Variants in RB1CC1 observed in about 807,000 individuals in gnomAD.
RB1CC1 encodes the protein RB1 inducible coiled-coil 1.
In RB1CC1, 46 loss-of-function variants were observed where a neutral mutation model predicts 177.5. The observed-to-expected ratio is 0.26, with a 90% CI of 0.20 to 0.33. The LOEUF (loss-of-function observed/expected upper bound fraction) is 0.33. Ranked by LOEUF, RB1CC1 falls within the 10% of genes least tolerant of loss-of-function variation. The pLI, the probability that RB1CC1 is intolerant of heterozygous loss-of-function variation, is 1.00. For synonymous variants in RB1CC1, 666 were observed against 613.6 expected (o/e 1.09, Z -1.26); for missense variants, 1,703 against 1,816.3 (o/e 0.94, Z 1.13).
chr8:52,711,086 C>T (rs1034295394), intron 1 of RB1CC1, among the ~76,000 whole-genome samples: 2 of 151,870 alleles, frequency 1.3e-5, no homozygotes, highest in Non-Finnish European at 2.9e-5. Context: ...AAAGAGCAAA[C>T]TAACGGGTAG....
Position 52,714,255 on chromosome 8 carries a change from G to C in RB1CC1, c.-347C>G, listed in dbSNP as rs1215842906. 9.5e-6 allele frequency: 2 copies of C among 211,074 alleles called. No homozygotes were observed. Among genetic ancestry groups the C allele is most frequent in the Non-Finnish European group, 2.0e-5 (2 of 99,902 alleles). The allele number at this position is 211,074 out of a possible 1,614,324, so 13.1% of individuals were successfully genotyped here. On this transcript the variant is annotated 5_prime_UTR_variant, in exon 1 of 24. Coordinates refer to ENST00000025008, the MANE Select transcript of RB1CC1 (RefSeq NM_014781.5). ...GCGGCCCCGAACTCTAGGAGGCAGG[G>C]AGGGGTCCGGGCGGACAAGGACGCG...
At position 52,657,980 on chromosome 8, in the gene RB1CC1, T is replaced by G; in HGVS notation, c.1920+18A>C. The stretch of plus-strand genomic sequence containing the variant: ...TTTTACACTAATGAAGAAAACTGTT[T>G]GAAAGAATTGAATTTGCCTTTTGTT... On this transcript the variant is annotated intron_variant, in intron 14 of 23. Transcript: ENST00000025008. The G allele has an allele frequency of 1.2e-6, 2 of 1,613,534 alleles. No individual in the cohort carries two copies. The highest frequency in any genetic ancestry group is 1.7e-6 in the Non-Finnish European group (2 of 1,179,846).
chr8:52,684,726 G>T (rs1279323682), intron 3 of RB1CC1, among the ~76,000 whole-genome samples: 1 of 152,116 alleles, frequency 6.6e-6, no homozygotes, highest in Non-Finnish European at 1.5e-5. Flanking sequence ...CCATGGAAGT[G>T]ATATACATTG....
chr8:52,704,079 A>T (rs1021684755), intron 1 of RB1CC1, among the ~76,000 whole-genome samples: 2 of 152,162 alleles, frequency 1.3e-5, no homozygotes, highest in Non-Finnish European at 2.9e-5. Context: ...AACCAAGTAC[A>T]TATTTGGTCA....
In RB1CC1 at chr8:52,623,552, T is replaced by TA. The variant is rs199511696; in HGVS notation, c.*229dup. Reference sequence around the variant, plus strand: ...GTCCGCATTTCTAGAGTTGTCTGGGTAAAAAAAAAAACCAAAAAACAAAAA... The same window carrying TA: ...GTCCGCATTTCTAGAGTTGTCTGGGTAAAAAAAAAAAACCAAAAAACAAAAA... On this transcript the variant is annotated 3_prime_UTR_variant, in exon 24 of 24. Coordinates refer to ENST00000025008, the MANE Select transcript of RB1CC1 (RefSeq NM_014781.5). The TA allele has an allele frequency of 0.071, 24,866 of 348,228 alleles. 4 individuals carry two copies. The highest frequency in any genetic ancestry group is 0.11 in the East Asian group (1,892 of 17,572). 21.6% of individuals were successfully genotyped at this position (348,228 alleles called of 1,614,324 possible). A position where few individuals can be genotyped will look rare whatever the true frequency, so the allele number is the denominator to read the frequency against.
At chr8:52,633,272 T>A (rs1242727619) in intron 20 of RB1CC1, among the ~76,000 whole-genome samples, 1 of 152,200 alleles carries the variant, frequency 6.6e-6, no homozygotes. Context: ...CTCAGATACT[T>A]TTGGGTTCAC....
At chr8:52,676,864 C>T (rs935234439) in intron 5 of RB1CC1, among the ~76,000 whole-genome samples, 6 of 152,330 alleles carry the variant, frequency 3.9e-5, no homozygotes, top group East Asian at 1.9e-4. Flanking sequence ...TGATCAACAT[C>T]TGCCATCTCA....
intron 1 of RB1CC1, among the ~76,000 whole-genome samples, chr8:52,703,046 G>A (rs1040434543): frequency 1.3e-5 from 2 of 151,794 alleles, no homozygotes; most frequent in South Asian, 2.1e-4. Flanking sequence ...TAGTAACAGA[G>A]AGAGATCACA....
chr8:52,656,552 G>A lies in RB1CC1; in HGVS notation c.3277C>T (p.Leu1093Phe), dbSNP rs1563386492. Residue 1093 changes from leucine (L) to phenylalanine (F), a missense_variant, in exon 15 of 24, where the codon CTT becomes TTT. Transcript: ENST00000025008. ...CTCAAATTTTCTGTCTCTTGTTCAA[G>A]AAGAGATTTCAAGGTCTCCTTCTGC... ...AQQKETLKSL[L>F]EQETENLRTE... is the part of the protein sequence containing the mutation. 5 of 1,611,042 alleles carry A rather than the reference G, an allele frequency of 3.1e-6. No homozygotes were observed. Among genetic ancestry groups the A allele is most frequent in the Non-Finnish European group, 4.2e-6 (5 of 1,179,172 alleles).
At chr8:52,640,665 G>A (rs890522136) in intron 18 of RB1CC1, among the ~76,000 whole-genome samples, 20 of 151,838 alleles carry the variant, frequency 1.3e-4, no homozygotes, top group African/African-American at 4.8e-4. Flanking sequence ...TTTTAAAGAG[G>A]TTTTCATACG....
chr8:52,628,171 G>A lies in RB1CC1; in HGVS notation c.4500-3C>T, dbSNP rs1563344891. The A allele has an allele frequency of 1.2e-6, 2 of 1,605,586 alleles. No individual in the cohort carries two copies. Among genetic ancestry groups the A allele is most frequent in the Non-Finnish European group, 1.7e-6 (2 of 1,175,580 alleles). ...GTACCAAATCTCCCACCTGAAAACT[G>A]AATAAAGAAATGCAATTTTATTGAC... On this transcript the variant is annotated splice_polypyrimidine_tract_variant and splice_region_variant and intron_variant, in intron 21 of 23. Transcript: ENST00000025008.
chr8:52,706,735 CAAAA>C (rs570528978), intron 1 of RB1CC1, among the ~76,000 whole-genome samples: 3 of 106,278 alleles, frequency 2.8e-5, no homozygotes, highest in Admixed American at 9.9e-5. Flanking sequence ...CCCTCTGTTT[CAAAA>C]AAAAAAAAAA....
At chr8:52,641,382 C>T (rs1282228980) in intron 18 of RB1CC1, among the ~76,000 whole-genome samples, 1 of 54,386 alleles carries the variant, frequency 1.8e-5, no homozygotes, top group Non-Finnish European at 3.1e-5. Flanking sequence ...GAGACTTCAT[C>T]TCAAAAAAAA....
chr8:52,665,378 G>T (rs1450906953), intron 8 of RB1CC1, among the ~76,000 whole-genome samples: 1 of 152,068 alleles, frequency 6.6e-6, no homozygotes, highest in Non-Finnish European at 1.5e-5. Context: ...TTGCTTCTAT[G>T]GCAGGCATTA....
Position 52,623,675 on chromosome 8 carries a change from G to A in RB1CC1, c.*107C>T, listed in dbSNP as rs764753430. On this transcript the variant is annotated 3_prime_UTR_variant, in exon 24 of 24. Coordinates refer to ENST00000025008, the MANE Select transcript of RB1CC1 (RefSeq NM_014781.5). ...GTACACCAGTGAAGTATATTGTCAC[G>A]CTGACTTTTGCATAAAAAGATGGCC... is the stretch of plus-strand genomic sequence containing the variant. 1.2e-5 allele frequency: 9 copies of A among 769,748 alleles called. No homozygotes were observed. Among genetic ancestry groups the A allele is most frequent in the Middle Eastern group, 4.6e-4 (2 of 4,392 alleles). 47.7% of individuals were successfully genotyped at this position (769,748 alleles called of 1,614,324 possible).
intron 18 of RB1CC1, among the ~76,000 whole-genome samples, chr8:52,638,973 T>C (rs1193412376): frequency 1.3e-5 from 2 of 152,174 alleles, no homozygotes; most frequent in Non-Finnish European, 2.9e-5. Flanking sequence ...ACTATCTATG[T>C]AGTTTAAGAC....
At chr8:52,685,002 CTTTTT>C (rs34656821) in intron 3 of RB1CC1, among the ~76,000 whole-genome samples, 3 of 130,274 alleles carry the variant, frequency 2.3e-5, no homozygotes, top group African/African-American at 2.8e-5. Flanking sequence ...ATTATGTGAC[CTTTTT>C]TTTTTTTTTT....
At chr8:52,652,970 T>C (rs1213618036) in intron 15 of RB1CC1, among the ~76,000 whole-genome samples, 2 of 152,006 alleles carry the variant, frequency 1.3e-5, no homozygotes, top group African/African-American at 4.8e-5. Flanking sequence ...GGCAGGAGAA[T>C]TGCTTGAACT....
chr8:52,657,128 A>G lies in RB1CC1; in HGVS notation c.2701T>C (p.Cys901Arg). 2 of 1,611,410 alleles carry G rather than the reference A, an allele frequency of 1.2e-6. No homozygotes were observed. The highest frequency in any genetic ancestry group is 1.7e-6 in the Non-Finnish European group (2 of 1,178,514). Residue 901 changes from cysteine (C) to arginine (R), a missense_variant, in exon 15 of 24, where the codon TGC becomes CGC. Physicochemically the swap from Cys to Arg is radical, Grantham distance 180. Around this residue, in one of 6 missense-constraint regions of RB1CC1, gnomAD observed 1,169 missense variants for 1,184.7 expected, o/e 0.99. Coordinates refer to ENST00000025008, the MANE Select transcript of RB1CC1 (RefSeq NM_014781.5). ...KIKKLKGELV[C>R]LEEVLQNKDN... ...TTATTTTGTAAAACCTCCTCAAGGC[A>G]TACTAACTCTCCCTTCAATTTTTTA...
Sources: gnomAD v4.1 joint callset for allele counts (sites outside exome capture counted in the v4.1 genomes callset) on GRCh38, gnomAD v4.1.1 for gene constraint, gnomAD v4.1.1 regional missense constraint, MANE v1.5 for transcripts, NCBI Gene and HGNC (gene_info 2026-07-23, HGNC 2026-07-21) for gene names.